ALG14: variants seen among roughly 807,000 people sequenced by gnomAD.
The protein encoded by ALG14 is ALG14 UDP-N-acetylglucosaminyltransferase subunit.
Under a neutral mutation model 22.8 loss-of-function variants are expected in ALG14, and 17 were observed. The ratio of observed to expected loss-of-function variants is 0.75; its 90% CI spans 0.51 to 1.12. The LOEUF (loss-of-function observed/expected upper bound fraction) is 1.12, where lower values mean the gene tolerates loss of function less well. ALG14 is among the 50% of genes most tolerant of loss of function. ALG14 has a pLI of 0.00. For missense variants in ALG14, 288 were observed against 271.8 expected (o/e 1.06, Z -0.42); for synonymous variants, 89 against 103.7 (o/e 0.86, Z 0.86).
At chr1:95,039,560 G>T (rs1360557501) in intron 2 of ALG14, among the ~76,000 whole-genome samples, 1 of 152,134 alleles carries the variant, frequency 6.6e-6, no homozygotes, top group African/African-American at 2.4e-5. Flanking sequence ...GCGGAAACAG[G>T]CTGACAGCAC....
At chr1:95,058,888 A>T (rs1553164131) in intron 2 of ALG14, among the ~76,000 whole-genome samples, 2 of 151,446 alleles carry the variant, frequency 1.3e-5, no homozygotes, top group Non-Finnish European at 2.9e-5. Context: ...TTAAAATTTT[A>T]TTTTTTTTCC....
chr1:95,010,315 C>G (rs1454241269), intron 3 of ALG14, among the ~76,000 whole-genome samples: 3 of 152,160 alleles, frequency 2.0e-5, no homozygotes, highest in Non-Finnish European at 4.4e-5. Context: ...GCTCAGATTG[C>G]TCTCTGAGTT....
At chr1:95,038,306 T>C (rs553589476) in intron 2 of ALG14, among the ~76,000 whole-genome samples, 6 of 152,188 alleles carry the variant, frequency 3.9e-5, no homozygotes, top group East Asian at 1.9e-4. Flanking sequence ...CTGGCCAACA[T>C]AGTAAAACCT....
intron 3 of ALG14, among the ~76,000 whole-genome samples, chr1:95,009,561 TAGAG>T (rs1352195564): frequency 6.6e-6 from 1 of 152,076 alleles, no homozygotes; most frequent in Non-Finnish European, 1.5e-5. Flanking sequence ...CATTCAGAAA[TAGAG>T]AAAGAATAAA....
At chr1:95,056,702 G>A (rs1222632709) in intron 2 of ALG14, among the ~76,000 whole-genome samples, 1 of 151,948 alleles carries the variant, frequency 6.6e-6, no homozygotes, top group Non-Finnish European at 1.5e-5. Flanking sequence ...ATAACTCTAT[G>A]ACCTTTAAGT....
At chr1:95,020,746 AAAAAC>A (rs1262751138) in intron 3 of ALG14, among the ~76,000 whole-genome samples, 1 of 151,666 alleles carries the variant, frequency 6.6e-6, no homozygotes, top group Non-Finnish European at 1.5e-5. Context: ...CTCAAAAAAA[AAAAAC>A]AAAACAAAAA....
rs56810994 is a variant in ALG14 at position 95,000,777 on chromosome 1, TAAAAAAAA to T, written c.421-17479_421-17472del. Among the ~76,000 whole-genome samples the T allele has an allele frequency of 6.1e-5, 4 of 65,218 alleles. 1 individual carries two copies. The highest frequency in any genetic ancestry group is 1.7e-4 in the African/African-American group (3 of 17,588). 42.8% of individuals were successfully genotyped at this position (65,218 alleles called of 152,430 possible). A position where few individuals can be genotyped will look rare whatever the true frequency, so the allele number is the denominator to read the frequency against. On this transcript the variant is annotated intron_variant, in intron 3 of 3. Transcript: ENST00000370205. ...AAGCTTTAGGACCAATATGCCACAC[TAAAAAAAA>T]AAAAAAAAAAAAAAAGGAATGAAGA...
chr1:95,009,384 A>T (rs541391950), intron 3 of ALG14, among the ~76,000 whole-genome samples: 1 of 152,206 alleles, frequency 6.6e-6, no homozygotes, highest in Admixed American at 6.5e-5. Context: ...TGGAGTGATT[A>T]CTATAGTAAG....
chr1:95,002,184 C>T (rs1436843857), intron 3 of ALG14, among the ~76,000 whole-genome samples: 1 of 152,044 alleles, frequency 6.6e-6, no homozygotes, highest in Non-Finnish European at 1.5e-5. Context: ...ATGAGTTCAG[C>T]AATGACTGCT....
Position 94,975,736 on chromosome 1 carries a change from C to T in ALG14, c.*7340G>A, listed in dbSNP as rs2797620. 62,753 of 152,054 alleles carry T rather than the reference C, an allele frequency of 0.41. 13,568 individuals carry two copies. Among genetic ancestry groups the T allele is most frequent in the East Asian group, 0.77 (3,951 of 5,152 alleles). 9.4% of individuals were successfully genotyped at this position (152,054 alleles called of 1,614,324 possible). ...AGCCTCCTGGCCGGGCGCAGTGGCT[C>T]ACGCCTGTAATCCCAGCACTTTGGG... On this transcript the variant is annotated 3_prime_UTR_variant, in exon 4 of 4. Coordinates refer to ENST00000370205, the MANE Select transcript of ALG14 (RefSeq NM_144988.4).
At chr1:95,072,537 T>C (rs1250160437) in intron 1 of ALG14, among the ~76,000 whole-genome samples, 2 of 152,194 alleles carry the variant, frequency 1.3e-5, no homozygotes, top group African/African-American at 4.8e-5. Flanking sequence ...AGAGTCTTAA[T>C]TATAGACAAG....
chr1:95,026,970 C>G (rs1048222451), intron 3 of ALG14, among the ~76,000 whole-genome samples, 159 bp downstream of exon 3: 3 of 152,124 alleles, frequency 2.0e-5, no homozygotes, highest in South Asian at 4.1e-4. Context: ...AGTTCTGGAG[C>G]CTGGGAAGTC....
chr1:95,064,789 C>A, intron 2 of ALG14, 77 bp downstream of exon 2: 1 of 1,427,418 alleles, frequency 7.0e-7, no homozygotes, highest in Non-Finnish European at 9.6e-7. Context: ...CACTGAAGTG[C>A]CATGAGATTA....
chr1:95,072,657 T>A (rs1308561062), intron 1 of ALG14, 106 bp downstream of exon 1: 7 of 1,470,008 alleles, frequency 4.8e-6, no homozygotes, highest in African/African-American at 1.4e-5. Context: ...AATCTCTGCA[T>A]GCAACACTCC....
At position 95,048,483 on chromosome 1, in the gene ALG14, T is replaced by C. The variant is rs191013619; in HGVS notation, c.288+16383A>G. Among the ~76,000 whole-genome samples the C allele has an allele frequency of 9.2e-5, 14 of 152,166 alleles. No individual in the cohort carries two copies. The East Asian group carries it at 2.3e-3, about 25-fold the overall frequency. On this transcript the variant is annotated intron_variant, in intron 2 of 3. Transcript: ENST00000370205. ...AACAAGGCTCAGATTCAGAAGCAAA[T>C]AAAAGAATGAACCAAAATCCACACT... is the stretch of plus-strand genomic sequence containing the variant.
chr1:95,016,021 A>G (rs1233923797), intron 3 of ALG14, among the ~76,000 whole-genome samples: 1 of 152,230 alleles, frequency 6.6e-6, no homozygotes, highest in East Asian at 1.9e-4. Context: ...CAAGACTATG[A>G]AGTAGATATC....
At position 95,005,495 on chromosome 1, in the gene ALG14, G is replaced by A. The variant is rs564764630; in HGVS notation, c.420+21634C>T. 4.7e-5 allele frequency among the ~76,000 whole-genome samples: 7 copies of A among 148,830 alleles called. No individual in the cohort carries two copies. In the South Asian group the frequency reaches 1.2e-3, roughly 26 times the overall value. ...ATTTGTATAATGTTATATCATTTAG[G>A]CCTCAAAATTAAGGAAGTAAGACAG... On this transcript the variant is annotated intron_variant, in intron 3 of 3. Transcript: ENST00000370205.
intron 2 of ALG14, among the ~76,000 whole-genome samples, chr1:95,057,258 CAGTT>C (rs1375431523): frequency 8.6e-5 from 13 of 151,562 alleles, no homozygotes; most frequent in Admixed American, 7.9e-4. Flanking sequence ...CATGCACACA[CAGTT>C]AGTCCTCCAG....
intron 2 of ALG14, among the ~76,000 whole-genome samples, chr1:95,057,531 C>T (rs1008820355): frequency 2.0e-5 from 3 of 151,334 alleles, no homozygotes; most frequent in African/African-American, 4.8e-5. Flanking sequence ...GGGACTTGAG[C>T]ATCTGCGGAT....
Sources: allele counts gnomAD v4.1 joint callset (sites outside exome capture counted in the v4.1 genomes callset), GRCh38; gene constraint gnomAD v4.1.1; transcripts MANE v1.5; gene names NCBI Gene and HGNC (gene_info 2026-07-23, HGNC 2026-07-21).